Variants in CUL5 observed in about 807,000 individuals in gnomAD.
CUL5 encodes cullin 5, also known as cullin-5.
Under a neutral mutation model 108.8 loss-of-function variants are expected in CUL5, and 26 were observed. That is an observed-to-expected ratio of 0.24 (90% CI 0.18 to 0.33). CUL5 has a LOEUF of 0.33. Among genes scored for constraint, CUL5 ranks in the 10% least tolerant of loss-of-function variants. CUL5 has a pLI of 1.00. For synonymous variants in CUL5, 334 were observed against 298.0 expected (o/e 1.12, Z -1.25); for missense variants, 524 against 909.2 (o/e 0.58, Z 5.45).
At chr11:108,087,773 T>C (rs925047750) in intron 11 of CUL5, among the ~76,000 whole-genome samples, 3 of 151,952 alleles carry the variant, frequency 2.0e-5, no homozygotes, top group Admixed American at 1.3e-4. Flanking sequence ...GAGACCAGCC[T>C]GGCCAACATG....
intron 7 of CUL5, among the ~76,000 whole-genome samples, chr11:108,059,871 G>A (rs12284974): frequency 0.019 from 2,425 of 129,710 alleles, 75 homozygotes; most frequent in African/African-American, 0.065. Context: ...GTGACAGAGC[G>A]AGACTCTGTC....
At chr11:108,025,934 A>G (rs994309666) in intron 1 of CUL5, among the ~76,000 whole-genome samples, 2 of 152,016 alleles carry the variant, frequency 1.3e-5, no homozygotes, top group African/African-American at 4.8e-5. Context: ...TGTAGCGCTC[A>G]CCTCATTTGT....
intron 7 of CUL5, among the ~76,000 whole-genome samples, chr11:108,067,798 A>C (rs781230486): frequency 2.0e-5 from 3 of 152,176 alleles, no homozygotes; most frequent in Non-Finnish European, 4.4e-5. Context: ...CTTAAGGTGG[A>C]AGTGTTTAGT....
At chr11:108,082,619 G>A (rs541216055) in intron 11 of CUL5, among the ~76,000 whole-genome samples, 19 of 151,530 alleles carry the variant, frequency 1.3e-4, no homozygotes, top group Admixed American at 4.6e-4. Context: ...TTCCTTGCTG[G>A]TGTATAAAAA....
chr11:108,090,417 G>C (rs913354286), intron 13 of CUL5, among the ~76,000 whole-genome samples: 59 of 152,218 alleles, frequency 3.9e-4, no homozygotes, highest in African/African-American at 1.4e-3. Context: ...ATGAACCCTG[G>C]GGGGCGGAGC....
intron 7 of CUL5, among the ~76,000 whole-genome samples, chr11:108,068,076 C>A (rs1374301323): frequency 6.6e-6 from 1 of 151,910 alleles, no homozygotes; most frequent in African/African-American, 2.4e-5. Context: ...TTACAGGCAC[C>A]CACCATGCCC....
chr11:108,082,864 TGA>T (rs1246678202), intron 11 of CUL5, among the ~76,000 whole-genome samples: 1 of 152,038 alleles, frequency 6.6e-6, no homozygotes, highest in Non-Finnish European at 1.5e-5. Flanking sequence ...TGGGTTCAAG[TGA>T]GCCTCCTGCC....
intron 7 of CUL5, among the ~76,000 whole-genome samples, chr11:108,069,014 T>C (rs935254434): frequency 6.6e-6 from 1 of 152,160 alleles, no homozygotes; most frequent in Non-Finnish European, 1.5e-5. Context: ...TCCCACACTT[T>C]GGGAGACTGA....
chr11:108,024,892 CTTGA>C (rs1862418840), intron 1 of CUL5, among the ~76,000 whole-genome samples: 1 of 152,218 alleles, frequency 6.6e-6, no homozygotes, highest in South Asian at 2.1e-4. Flanking sequence ...AAGCATCCTA[CTTGA>C]TTACCTGTTA....
At chr11:108,026,268 A>G (rs1862449138) in intron 1 of CUL5, among the ~76,000 whole-genome samples, 1 of 152,104 alleles carries the variant, frequency 6.6e-6, no homozygotes, top group Non-Finnish European at 1.5e-5. Flanking sequence ...AAAAGACACA[A>G]CCGTGCTATT....
At chr11:108,069,788 C>T (rs1247659510) in intron 7 of CUL5, among the ~76,000 whole-genome samples, 2 of 152,174 alleles carry the variant, frequency 1.3e-5, no homozygotes, top group African/African-American at 4.8e-5. Context: ...AATTTTAAAA[C>T]AGGTTCTCTC....
In CUL5 at chr11:108,094,491, A is replaced by C; in HGVS notation, c.1544A>C (p.Lys515Thr). The C allele has an allele frequency of 6.8e-7, 1 of 1,472,762 alleles. No homozygotes were observed. The highest frequency in any genetic ancestry group is 9.3e-7 in the Non-Finnish European group (1 of 1,071,436). The allele number at this position is 1,472,762 out of a possible 1,614,324, so 91.2% of individuals were successfully genotyped here. Residue 515 changes from lysine to threonine, a missense_variant, in exon 14 of 19, where the codon AAA becomes ACA. Lys to Thr is a moderately conservative substitution (Grantham distance 78, BLOSUM62 -1). Coordinates refer to ENST00000393094, the MANE Select transcript of CUL5 (RefSeq NM_003478.6). ...AACCAAGCTTTTAAGGAAATGCACA[A>C]AAATAATAAATTGGCATTACCAGGT... ...DLNQAFKEMH[K>T]NNKLALPADS... is the part of the protein sequence containing the mutation.
At position 108,088,611 on chromosome 11, in the gene CUL5, A is replaced by T; in HGVS notation, c.1263A>T (p.Leu421Phe). Residue 421 changes from leucine (L) to phenylalanine (F), a missense_variant, in exon 12 of 19, where the codon TTA becomes TTT. Physicochemically the swap from Leu to Phe is conservative, Grantham distance 22. Coordinates refer to ENST00000393094, the MANE Select transcript of CUL5 (RefSeq NM_003478.6). Reference protein sequence around the residue: ...YCDMLLRKTPLSKKLTSEEIE... With the variant: ...YCDMLLRKTPFSKKLTSEEIE... Reference sequence around the variant, plus strand: ...ACATGTTGCTAAGAAAAACACCATTAAGCAAAAAACTAACCTCTGAAGAGA... The same window carrying T: ...ACATGTTGCTAAGAAAAACACCATTTAGCAAAAAACTAACCTCTGAAGAGA... 1 of 1,612,788 alleles carries T rather than the reference A, an allele frequency of 6.2e-7. No homozygotes were observed.
intron 7 of CUL5, among the ~76,000 whole-genome samples, chr11:108,062,532 TTATAAA>T (rs1025351232): frequency 2.7e-5 from 4 of 148,380 alleles, no homozygotes; most frequent in African/African-American, 9.8e-5. Context: ...TTAAATATAA[TTATAAA>T]TATATAAAAT....
chr11:108,029,615 T>C (rs542057151), intron 1 of CUL5, among the ~76,000 whole-genome samples: 8 of 152,368 alleles, frequency 5.3e-5, no homozygotes, highest in Admixed American at 1.3e-4. Flanking sequence ...TTTAATGATA[T>C]GCTCTTCAGT....
intron 1 of CUL5, among the ~76,000 whole-genome samples, chr11:108,022,298 A>G (rs750085506): frequency 8.1e-4 from 123 of 152,310 alleles, no homozygotes; most frequent in African/African-American, 1.7e-3. Flanking sequence ...TGAATTATTT[A>G]AAAATGATTC....
intron 5 of CUL5, among the ~76,000 whole-genome samples, 182 bp downstream of exon 5, chr11:108,052,983 A>G (rs1228213631): frequency 6.6e-6 from 1 of 152,232 alleles, no homozygotes; most frequent in Admixed American, 6.5e-5. Context: ...AAAAATTCAT[A>G]TTAATGTGGT....
chr11:108,055,856 C>G (rs954971064), intron 7 of CUL5, among the ~76,000 whole-genome samples: 1 of 152,172 alleles, frequency 6.6e-6, no homozygotes, highest in Non-Finnish European at 1.5e-5. Flanking sequence ...ATCTTGAACG[C>G]CTAAGCTCAG....
chr11:108,028,112 T>G (rs1218493499), intron 1 of CUL5, among the ~76,000 whole-genome samples: 1 of 152,246 alleles, frequency 6.6e-6, no homozygotes. Context: ...CTTCAAGTTT[T>G]TATTTTCTGA....
Sources: allele counts gnomAD v4.1 joint callset (sites outside exome capture counted in the v4.1 genomes callset), GRCh38; gene constraint gnomAD v4.1.1; transcripts MANE v1.5; gene names NCBI Gene and HGNC (gene_info 2026-07-23, HGNC 2026-07-21).